LY75: variants seen among roughly 807,000 people sequenced by gnomAD.
The protein encoded by LY75 is C-type lectin domain family 13 member B.
In LY75, 185 loss-of-function variants were observed where a neutral mutation model predicts 231.7. The ratio of observed to expected loss-of-function variants is 0.80; its 90% CI spans 0.71 to 0.90. The LOEUF is 0.90. LY75 is among the 40% of genes least tolerant of loss of function. LY75 has a pLI of 0.00. For synonymous variants in LY75, 668 were observed against 689.0 expected, an observed-to-expected ratio of 0.97 and a Z score of 0.48; for missense variants, 1,947 against 2,050.2, an observed-to-expected ratio of 0.95 and a Z score of 0.97.
In LY75 at chr2:159,816,987, G is replaced by A. The variant is rs2125831548; in HGVS notation, c.4199C>T (p.Pro1400Leu). 6.2e-7 allele frequency: 1 copy of A among 1,613,954 alleles called. No homozygotes were observed. The highest frequency in any genetic ancestry group is 1.1e-5 in the South Asian group (1 of 91,046). The change falls in exon 30 of 35, where the codon CCA (proline) becomes CTA (leucine). Residue 1400 changes from proline (P) to leucine (L), a missense_variant. Physicochemically the swap from Pro to Leu is moderately conservative, Grantham distance 98. Transcript: ENST00000263636. ...EYNTTLPQFM[P>L]YEDGIYSVIQ... ...AACACTGTAAATACCATCTTCATATGGCATAAACTGTGGCAGTGTAGTATT... is the reference window on the plus strand; with the variant it reads ...AACACTGTAAATACCATCTTCATATAGCATAAACTGTGGCAGTGTAGTATT...
At chr2:159,878,998 A>G (rs1031851293) in intron 9 of LY75, among the ~76,000 whole-genome samples, 1 of 152,136 alleles carries the variant, frequency 6.6e-6, no homozygotes. Context: ...ATTTTTGAAT[A>G]TTGATATTAG....
At chr2:159,886,369 G>A (rs1330227785) in intron 5 of LY75, 51 bp downstream of exon 5, 5 of 1,496,324 alleles carry the variant, frequency 3.3e-6, no homozygotes, top group African/African-American at 2.8e-5. Flanking sequence ...AGAAGCTTTT[G>A]CTTTTTTGAA....
intron 3 of LY75, among the ~76,000 whole-genome samples, chr2:159,891,197 T>C (rs1200002045): frequency 1.3e-5 from 2 of 152,176 alleles, no homozygotes; most frequent in Non-Finnish European, 2.9e-5. Context: ...TCAGATGTTA[T>C]ACTCATGATC....
intron 21 of LY75, 67 bp downstream of exon 21, chr2:159,852,134 C>G (rs2162500): frequency 0.49 from 758,160 of 1,561,562 alleles, 194,006 homozygotes; most frequent in Non-Finnish European, 0.54. Context: ...GGTTGCCATT[C>G]TGCCATAGGC....
chr2:159,824,889 A>T (rs1683410615), intron 28 of LY75, among the ~76,000 whole-genome samples: 1 of 152,218 alleles, frequency 6.6e-6, no homozygotes, highest in African/African-American at 2.4e-5. Flanking sequence ...GGCAGAAATA[A>T]AGATGTTCTT....
chr2:159,854,961 T>C, intron 16 of LY75, 22 bp from the exon 17 acceptor site: 1 of 1,613,600 alleles, frequency 6.2e-7, no homozygotes, highest in African/African-American at 1.3e-5. Flanking sequence ...AGAAAGCAAG[T>C]GGCATTAGTA....
At position 159,874,676 on chromosome 2, in the gene LY75, A is replaced by G. The variant is rs1333414168; in HGVS notation, c.1974+768T>C. ...TTTGTAAATATATATATATTTTGTA[A>G]ATATATGTAAATATATATATTTTGT... is the stretch of plus-strand genomic sequence containing the variant. On this transcript the variant is annotated intron_variant, in intron 12 of 34. Transcript: ENST00000263636. 7.0e-4 allele frequency among the ~76,000 whole-genome samples: 43 copies of G among 61,602 alleles called. 1 individual carries two copies. The highest frequency in any genetic ancestry group is 2.2e-3 in the African/African-American group (40 of 18,216). The allele number at this position is 61,602 out of a possible 152,430, so 40.4% of individuals were successfully genotyped here.
At chr2:159,822,426 G>T (rs568744295) in intron 28 of LY75, among the ~76,000 whole-genome samples, 2 of 152,238 alleles carry the variant, frequency 1.3e-5, no homozygotes, top group Non-Finnish European at 2.9e-5. Flanking sequence ...CTGCTGGGAA[G>T]TTTGAACTGG....
chr2:159,851,924 C>T lies in LY75; in HGVS notation c.2883+277G>A, dbSNP rs183693793. Among the ~76,000 whole-genome samples, 10 of 152,320 alleles carry T rather than the reference C, an allele frequency of 6.6e-5. No individual in the cohort carries two copies. In the East Asian group the frequency reaches 1.9e-3, roughly 29 times the overall value. On this transcript the variant is annotated intron_variant, in intron 21 of 34. Transcript: ENST00000263636. ...TAGAGACAGTCCTGACTATTCAATG[C>T]ATCCCAATCCCTCAACAGATCAACT...
At chr2:159,887,119 A>G (rs1005054053) in intron 4 of LY75, among the ~76,000 whole-genome samples, 35 of 147,640 alleles carry the variant, frequency 2.4e-4, no homozygotes, top group African/African-American at 6.9e-4. Context: ...ATATATATAT[A>G]TTATATATAA....
intron 23 of LY75, among the ~76,000 whole-genome samples, chr2:159,847,749 GA>G (rs1403629458): frequency 6.6e-6 from 1 of 152,100 alleles, no homozygotes; most frequent in African/African-American, 2.4e-5. Flanking sequence ...CTGTGAATAG[GA>G]ATGTAAATTC....
chr2:159,847,169 G>A (rs1206872250), intron 23 of LY75, among the ~76,000 whole-genome samples: 1 of 152,022 alleles, frequency 6.6e-6, no homozygotes, highest in Non-Finnish European at 1.5e-5. Context: ...ACACTGCCAT[G>A]CCCGGTTAAT....
At chr2:159,846,720 A>G (rs995779497) in intron 23 of LY75, among the ~76,000 whole-genome samples, 39 of 152,242 alleles carry the variant, frequency 2.6e-4, no homozygotes, top group Non-Finnish European at 2.9e-5. Context: ...TTCAGACTTA[A>G]AGAAAACTTA....
intron 33 of LY75, 92 bp downstream of exon 33, chr2:159,808,357 C>T: frequency 1.1e-5 from 18 of 1,598,572 alleles, no homozygotes; most frequent in Non-Finnish European, 1.4e-5. Context: ...TCTGAATTAG[C>T]CACTACTTAA....
intron 29 of LY75, 102 bp from the exon 30 acceptor site, chr2:159,817,134 G>T: frequency 2.4e-6 from 3 of 1,254,496 alleles, no homozygotes; most frequent in Non-Finnish European, 3.2e-6. Context: ...ATAAAACTGG[G>T]TTTCTTATTA....
At chr2:159,811,573 T>C (rs1682962338) in intron 31 of LY75, among the ~76,000 whole-genome samples, 1 of 152,222 alleles carries the variant, frequency 6.6e-6, no homozygotes, top group African/African-American at 2.4e-5. Flanking sequence ...TTGTAATGCA[T>C]TCTGTATGAT....
Position 159,854,550 on chromosome 2 carries a change from G to A in LY75, c.2420-15C>T. On this transcript the variant is annotated splice_polypyrimidine_tract_variant and intron_variant, in intron 17 of 34. Transcript: ENST00000263636. Reference sequence around the variant, plus strand: ...TCCAGCACGGTCTAAAGAAGAAGAAGAAAAAGATTAGAATTATGACTATGC... The same window carrying A: ...TCCAGCACGGTCTAAAGAAGAAGAAAAAAAAGATTAGAATTATGACTATGC... The A allele has an allele frequency of 6.2e-7, 1 of 1,607,048 alleles. No homozygotes were observed. The highest frequency in any genetic ancestry group is 8.5e-7 in the Non-Finnish European group (1 of 1,176,426).
rs141189334 is a variant in LY75, at chr2:159,877,785, C to G, written c.1774+539G>C. 4.4e-3 allele frequency among the ~76,000 whole-genome samples: 676 copies of G among 152,164 alleles called. 7 individuals are homozygous for G. Among genetic ancestry groups the G allele is most frequent in the African/African-American group, 0.016 (657 of 41,498 alleles). On this transcript the variant is annotated intron_variant, in intron 11 of 34. Transcript: ENST00000263636. ...TTGGGAGGCTGAGGCAGAAGAATCA[C>G]TTGAACCTGGGAGGCAGAGGTTGCA...
chr2:159,809,659 T>C (rs1028800624), intron 32 of LY75, among the ~76,000 whole-genome samples: 1 of 151,354 alleles, frequency 6.6e-6, no homozygotes, highest in Non-Finnish European at 1.5e-5. Context: ...CATTTATTAT[T>C]ATTTTTATTA....
Sources: allele counts gnomAD v4.1 joint callset (sites outside exome capture counted in the v4.1 genomes callset), GRCh38; gene constraint gnomAD v4.1.1; transcripts MANE v1.5; gene names NCBI Gene and HGNC (gene_info 2026-07-23, HGNC 2026-07-21).